WDPCP: variants seen among roughly 807,000 people sequenced by gnomAD.
WDPCP encodes WD repeat containing planar cell polarity effector, also known as WD repeat-containing and planar cell polarity effector protein fritz homolog.
A neutral mutation model predicts 93.1 loss-of-function variants in WDPCP; 71 were observed. The observed-to-expected ratio is 0.76, with a 90% CI of 0.63 to 0.93. The LOEUF is 0.93. Among genes scored for constraint, WDPCP ranks in the 40% least tolerant of loss-of-function variants. The pLI is 0.00. For missense variants in WDPCP, 844 were observed against 887.4 expected, an observed-to-expected ratio of 0.95 and a Z score of 0.62; for synonymous variants, 315 against 315.0, an observed-to-expected ratio of 1.00 and a Z score of 0.00.
At chr2:63,497,567 T>C (rs997084118) in intron 1 of WDPCP, among the ~76,000 whole-genome samples, 1 of 152,140 alleles carries the variant, frequency 6.6e-6, no homozygotes, top group African/African-American at 2.4e-5. Context: ...AACAAGTTTG[T>C]AAAAATCTTT....
chr2:63,312,191 A>G (rs992086249), intron 13 of WDPCP, among the ~76,000 whole-genome samples: 5 of 152,172 alleles, frequency 3.3e-5, no homozygotes, highest in African/African-American at 7.2e-5. Context: ...ATGATCAATA[A>G]TAGTATAATT....
At chr2:63,304,589 G>A (rs2103810304) in intron 13 of WDPCP, among the ~76,000 whole-genome samples, 1 of 152,304 alleles carries the variant, frequency 6.6e-6, no homozygotes, top group South Asian at 2.1e-4. Flanking sequence ...TTTTCCCATG[G>A]TTTTCGCAAC....
chr2:63,226,133 G>C (rs1376885789), intron 14 of WDPCP, among the ~76,000 whole-genome samples: 3 of 151,820 alleles, frequency 2.0e-5, no homozygotes, highest in Non-Finnish European at 4.4e-5. Flanking sequence ...AGTTTGTGAT[G>C]ACAGCTAAAT....
intron 14 of WDPCP, among the ~76,000 whole-genome samples, chr2:63,251,394 C>T (rs1197391735): frequency 6.6e-6 from 1 of 151,300 alleles, no homozygotes; most frequent in Non-Finnish European, 1.5e-5. Flanking sequence ...CCTGGAAACA[C>T]ACAACCTCCC....
In WDPCP at chr2:63,618,761, G is replaced by A. The variant is rs900483320; in HGVS notation, n.488+31898C>T. On this transcript the variant is annotated intron_variant and non_coding_transcript_variant, in intron 3 of 4. Coordinates refer to the WDPCP transcript ENST00000467687. The stretch of plus-strand genomic sequence containing the variant: ...GCTGGAGTGCAATGGCGCAATCTCC[G>A]CTCACCGCAATCTCTGCCTCCCAGG... Among the ~76,000 whole-genome samples the A allele has an allele frequency of 6.1e-5, 9 of 148,602 alleles. No individual in the cohort carries two copies. In the South Asian group the frequency reaches 6.4e-4, roughly 11 times the overall value.
chr2:63,751,788 C>T, intron 2 of WDPCP: 1 of 638,228 alleles, frequency 1.6e-6, no homozygotes, highest in Non-Finnish European at 3.0e-6. Context: ...TCCAACACCA[C>T]AGTGCTTCTG....
At chr2:63,291,205 A>AG (rs1684394265) in intron 13 of WDPCP, among the ~76,000 whole-genome samples, 1 of 50,626 alleles carries the variant, frequency 2.0e-5, no homozygotes, top group Admixed American at 2.1e-4. Flanking sequence ...TGCTTTTAAA[A>AG]AAAATACAGT....
At chr2:63,615,608 C>G (rs979887396) in intron 3 of WDPCP, among the ~76,000 whole-genome samples, 3 of 152,208 alleles carry the variant, frequency 2.0e-5, no homozygotes, top group African/African-American at 7.2e-5. Flanking sequence ...AGAATGGCAA[C>G]ACTTTTGGGG....
At chr2:63,832,853 T>C in the WDPCP span, among the ~76,000 whole-genome samples, 1 of 152,192 alleles carries the variant, frequency 6.6e-6, no homozygotes, top group Non-Finnish European at 1.5e-5. Flanking sequence ...GTTATAATAG[T>C]AAATCAATTA....
chr2:63,355,167 G>C (rs887527868), intron 12 of WDPCP, among the ~76,000 whole-genome samples: 2 of 151,740 alleles, frequency 1.3e-5, no homozygotes, highest in Non-Finnish European at 2.9e-5. Context: ...TCAAAATGAA[G>C]GAAAAAAATG....
intron 9 of WDPCP, among the ~76,000 whole-genome samples, chr2:63,405,871 A>G (rs1046479116): frequency 6.6e-6 from 1 of 152,114 alleles, no homozygotes; most frequent in African/African-American, 2.4e-5. Flanking sequence ...AATTTTATAG[A>G]ACTGTACATC....
intron 17 of WDPCP, among the ~76,000 whole-genome samples, chr2:63,138,373 A>G (rs1400395173): frequency 6.6e-6 from 1 of 150,568 alleles, no homozygotes; most frequent in African/African-American, 2.4e-5. Flanking sequence ...AACGCCAGAT[A>G]TTGCTATTTT....
chr2:63,816,560 G>GCCA (rs1448551595), intron 1 of WDPCP, among the ~76,000 whole-genome samples: 1 of 152,164 alleles, frequency 6.6e-6, no homozygotes, highest in East Asian at 1.9e-4. Flanking sequence ...AATATCTGGA[G>GCCA]CCACCAGAAG....
intron 12 of WDPCP, among the ~76,000 whole-genome samples, chr2:63,318,512 A>C (rs1314024174): frequency 1.3e-5 from 2 of 152,210 alleles, no homozygotes; most frequent in African/African-American, 2.4e-5. Context: ...CATGGAATCA[A>C]CCTAGATGCT....
rs540700732 is a variant in WDPCP at position 63,452,540 on chromosome 2, G to A, written c.385-12669C>T. 2.0e-5 allele frequency among the ~76,000 whole-genome samples: 3 copies of A among 152,252 alleles called. No homozygotes were observed. The East Asian group carries it at 5.8e-4, about 29-fold the overall frequency. ...GCCCAGGGTAATTTATAGATTCAAT[G>A]CCATCCCCATCAAGCTACCATTGAC... On this transcript the variant is annotated intron_variant, in intron 6 of 17. Coordinates refer to ENST00000272321, the MANE Select transcript of WDPCP (RefSeq NM_015910.7).
At chr2:63,331,690 T>C (rs1187118555) in intron 12 of WDPCP, among the ~76,000 whole-genome samples, 1 of 152,166 alleles carries the variant, frequency 6.6e-6, no homozygotes, top group Non-Finnish European at 1.5e-5. Flanking sequence ...CCACCCACCT[T>C]CAGGCTTTGA....
At chr2:63,745,537 TTCAACTG>T in intron 2 of WDPCP, among the ~76,000 whole-genome samples, 1 of 152,316 alleles carries the variant, frequency 6.6e-6, no homozygotes, top group East Asian at 1.9e-4. Flanking sequence ...GTAATGATTT[TTCAACTG>T]TTGTTTTATT....
chr2:63,647,785 T>C (rs1170347483), intron 3 of WDPCP, among the ~76,000 whole-genome samples: 2 of 152,192 alleles, frequency 1.3e-5, no homozygotes, highest in African/African-American at 2.4e-5. Flanking sequence ...ACCCTCTCTG[T>C]ATTATCATTT....
intron 3 of WDPCP, among the ~76,000 whole-genome samples, chr2:63,618,549 C>T (rs1709697382): frequency 1.3e-5 from 2 of 152,160 alleles, no homozygotes; most frequent in South Asian, 2.1e-4. Flanking sequence ...GATACCACCA[C>T]GCTGGAACGA....
Sources: gnomAD v4.1 joint callset for allele counts (sites outside exome capture counted in the v4.1 genomes callset) on GRCh38, gnomAD v4.1.1 for gene constraint, MANE v1.5 for transcripts, NCBI Gene and HGNC (gene_info 2026-07-23, HGNC 2026-07-21) for gene names.